Variants in LRRC9 observed in about 807,000 individuals in gnomAD.
The protein encoded by LRRC9 is leucine rich repeat containing 9.
Under a neutral mutation model 63.2 loss-of-function variants are expected in LRRC9, and 122 were observed. The observed-to-expected ratio is 1.93, with a 90% confidence interval of 1.67 to 2.24. LRRC9 has a LOEUF of 2.24. Ranked by LOEUF, LRRC9 falls within the 30% of genes most tolerant of loss-of-function variation. LRRC9 has a pLI of 0.00. For missense variants in LRRC9, 1,071 were observed against 627.7 expected (o/e 1.71, Z -7.55); for synonymous variants, 366 against 213.1 (o/e 1.72, Z -6.25).
intron 17 of LRRC9, among the ~76,000 whole-genome samples, chr14:59,987,709 A>G (rs532733281): frequency 5.3e-5 from 8 of 152,234 alleles, no homozygotes; most frequent in African/African-American, 1.7e-4. Flanking sequence ...GAGACACGTG[A>G]TATCTTATTG....
intron 19 of LRRC9, 63 bp downstream of exon 19, chr14:59,999,289 C>T: frequency 3.3e-6 from 2 of 608,748 alleles, no homozygotes; most frequent in Non-Finnish European, 5.9e-6. Context: ...ATTTTGCATA[C>T]TCTTTTTCTG....
At chr14:59,988,217 T>TAGAAGTTTCTAGA (rs1887681359) in intron 17 of LRRC9, among the ~76,000 whole-genome samples, 1 of 152,210 alleles carries the variant, frequency 6.6e-6, no homozygotes, top group Non-Finnish European at 1.5e-5. Context: ...CAAGAAACCT[T>TAGAAGTTTCTAGA]AGTTTCTTTT....
chr14:60,018,659 T>G (rs219393), intron 25 of LRRC9, among the ~76,000 whole-genome samples, 180 bp downstream of exon 25: 54,583 of 151,626 alleles, frequency 0.36, 12,451 homozygotes, highest in Non-Finnish European at 0.49. Flanking sequence ...TGATTTTGGT[T>G]TGACCTCAGT....
downstream of LRRC9, among the ~76,000 whole-genome samples, chr14:60,063,933 C>T (rs1291636436): frequency 1.3e-5 from 2 of 152,086 alleles, no homozygotes; most frequent in Non-Finnish European, 2.9e-5. Context: ...CAAACCAGAT[C>T]GGCCCTCAAA....
intron 13 of LRRC9, among the ~76,000 whole-genome samples, chr14:59,975,368 G>A (rs1257569367): frequency 6.6e-6 from 1 of 151,408 alleles, no homozygotes; most frequent in Admixed American, 6.6e-5. Context: ...TAAAGTGTAT[G>A]GATTGCTTTA....
chr14:59,926,563 C>A (rs550079074), intron 1 of LRRC9, among the ~76,000 whole-genome samples: 1 of 152,196 alleles, frequency 6.6e-6, no homozygotes, highest in East Asian at 1.9e-4. Context: ...GCACCTAGAT[C>A]AAATAATACA....
intron 8 of LRRC9, among the ~76,000 whole-genome samples, chr14:59,945,012 T>G (rs1474189268): frequency 6.6e-6 from 1 of 151,946 alleles, no homozygotes. Flanking sequence ...CTTATTAAAT[T>G]ATGAATTTTG....
At chr14:59,963,859 T>G (rs546772923) in intron 10 of LRRC9, among the ~76,000 whole-genome samples, 63 of 152,332 alleles carry the variant, frequency 4.1e-4, no homozygotes, top group Middle Eastern at 3.4e-3. Flanking sequence ...TATTAAACCT[T>G]TATATAGGAT....
intron 22 of LRRC9, among the ~76,000 whole-genome samples, chr14:60,007,546 T>C (rs1159643811): frequency 6.6e-6 from 1 of 152,182 alleles, no homozygotes; most frequent in African/African-American, 2.4e-5. Flanking sequence ...CAAATAGCAG[T>C]GTCTTTTATT....
chr14:59,976,599 A>G (rs1316213984), intron 13 of LRRC9, among the ~76,000 whole-genome samples: 2 of 152,204 alleles, frequency 1.3e-5, no homozygotes, highest in African/African-American at 4.8e-5. Flanking sequence ...CTCCATTTTC[A>G]TATTAAGAAA....
chr14:59,975,179 AC>A (rs1886135182), intron 13 of LRRC9, among the ~76,000 whole-genome samples: 1 of 91,390 alleles, frequency 1.1e-5, no homozygotes, highest in Non-Finnish European at 2.6e-5. Context: ...ATATATATAC[AC>A]TACACACACG....
intron 1 of LRRC9, among the ~76,000 whole-genome samples, chr14:59,924,581 T>C (rs1404708123): frequency 6.6e-6 from 1 of 152,198 alleles, no homozygotes; most frequent in Non-Finnish European, 1.5e-5. Context: ...TTATTACAAC[T>C]GCCCATTAAC....
intron 1 of LRRC9, 79 bp downstream of exon 1, chr14:59,920,352 A>T (rs1453423398): frequency 6.6e-6 from 1 of 152,222 alleles, no homozygotes; most frequent in East Asian, 1.9e-4. Context: ...TCCAAGCCAT[A>T]CCAAGGGGAA....
intron 8 of LRRC9, among the ~76,000 whole-genome samples, chr14:59,946,327 G>C (rs1882387064): frequency 6.7e-6 from 1 of 150,296 alleles, no homozygotes; most frequent in Admixed American, 6.6e-5. Context: ...TAATAAAAAA[G>C]ATTATTTCCA....
At chr14:60,038,743 C>T (rs1267911690) in intron 29 of LRRC9, among the ~76,000 whole-genome samples, 1 of 152,094 alleles carries the variant, frequency 6.6e-6, no homozygotes, top group African/African-American at 2.4e-5. Flanking sequence ...CTTTTCCTAA[C>T]TGAATACGCT....
chr14:60,024,786 T>C (rs1891392561), intron 27 of LRRC9, among the ~76,000 whole-genome samples: 1 of 151,992 alleles, frequency 6.6e-6, no homozygotes. Context: ...ATAATGAATA[T>C]AGTATCCAAT....
intron 17 of LRRC9, among the ~76,000 whole-genome samples, chr14:59,985,892 A>C (rs887874063): frequency 1.3e-5 from 2 of 152,166 alleles, no homozygotes; most frequent in Non-Finnish European, 2.9e-5. Context: ...ATATTAAAAT[A>C]ACTTCTCAAA....
chr14:59,969,685 A>AG (rs1389431427), intron 12 of LRRC9, among the ~76,000 whole-genome samples: 5 of 152,284 alleles, frequency 3.3e-5, no homozygotes, highest in Admixed American at 3.3e-4. Flanking sequence ...TGGAAGAGGA[A>AG]GGATCTCTTT....
Position 60,050,427 on chromosome 14 carries a change from G to A in LRRC9, c.3991-2638G>A, listed in dbSNP as rs77818385. 3.9e-3 allele frequency among the ~76,000 whole-genome samples: 587 copies of A among 152,210 alleles called. 2 individuals are homozygous for A. Among genetic ancestry groups the A allele is most frequent in the South Asian group, 0.015 (72 of 4,816 alleles). On this transcript the variant is annotated intron_variant, in intron 29 of 31. Transcript: ENST00000445360. ...TTTTCAGCTGTATCAGGTCAGTTAC[G>A]TTTCTCTCTAAACTGACTATTCTGA...
Sources: allele counts gnomAD v4.1 joint callset (sites outside exome capture counted in the v4.1 genomes callset), GRCh38; gene constraint gnomAD v4.1.1; transcripts MANE v1.5; gene names NCBI Gene and HGNC (gene_info 2026-07-23, HGNC 2026-07-21).